The following USP34 variants were observed in gnomAD, a reference collection of about 807,000 sequenced individuals.
The protein encoded by USP34 is ubiquitin carboxyl-terminal hydrolase 34.
Under a neutral mutation model 460.3 loss-of-function variants are expected in USP34, and 70 were observed. That is an observed-to-expected ratio of 0.15 (90% CI 0.13 to 0.19). The LOEUF (loss-of-function observed/expected upper bound fraction) is 0.19. Among genes scored for constraint, USP34 ranks in the 10% least tolerant of loss-of-function variants. USP34 has a pLI of 1.00. For synonymous variants in USP34, 1,647 were observed against 1,405.3 expected (o/e 1.17, Z -3.85); for missense variants, 3,985 against 4,236.2 (o/e 0.94, Z 1.65).
intron 1 of USP34, among the ~76,000 whole-genome samples, chr2:61,467,813 G>A (rs1695822965): frequency 6.6e-6 from 1 of 151,640 alleles, no homozygotes; most frequent in Non-Finnish European, 1.5e-5. Context: ...AGTAGAGATG[G>A]GGTTTCACCA....
chr2:61,206,589 G>A (rs1337650505), intron 71 of USP34, among the ~76,000 whole-genome samples, 171 bp downstream of exon 71: 1 of 152,198 alleles, frequency 6.6e-6, no homozygotes, highest in Non-Finnish European at 1.5e-5. Context: ...GAGCCTTCCA[G>A]CTTTACATCA....
At chr2:61,266,758 A>T (rs1438555860) in intron 41 of USP34, among the ~76,000 whole-genome samples, 1 of 152,190 alleles carries the variant, frequency 6.6e-6, no homozygotes, top group Non-Finnish European at 1.5e-5. Context: ...AACCTCCTGG[A>T]GTACTGTGCA....
intron 67 of USP34, among the ~76,000 whole-genome samples, chr2:61,218,059 T>C (rs1390904244): frequency 6.6e-6 from 1 of 152,060 alleles, no homozygotes; most frequent in East Asian, 1.9e-4. Flanking sequence ...ATAAGAATAA[T>C]ATTAAACAAT....
intron 23 of USP34, among the ~76,000 whole-genome samples, chr2:61,315,302 A>C (rs1243157390): frequency 6.6e-6 from 1 of 152,162 alleles, no homozygotes. Context: ...CATCCAACCT[A>C]AACTGAGAAA....
At chr2:61,265,888 T>A in intron 42 of USP34, 96 bp downstream of exon 42, 1 of 1,142,472 alleles carries the variant, frequency 8.8e-7, no homozygotes, top group South Asian at 2.4e-5. Flanking sequence ...AATGTTAAAG[T>A]GTGTGAAGAG....
Position 61,229,563 on chromosome 2 carries a change from G to C in USP34, c.7184C>G (p.Pro2395Arg). Residue 2395 changes from proline to arginine, a missense_variant, in exon 59 of 80, where the codon CCA (proline) becomes CGA (arginine). Coordinates refer to ENST00000398571, the MANE Select transcript of USP34 (RefSeq NM_014709.4). ...TACTTCTTACCCATCTTCCATTCCTGGCTGCAAATAGAGATGAGCATGCAC... is the reference window on the plus strand; with the variant it reads ...TACTTCTTACCCATCTTCCATTCCTCGCTGCAAATAGAGATGAGCATGCAC... ...RPVHAHLYLQ[P>R]GMEDGSDDMD... 1.2e-6 allele frequency: 2 copies of C among 1,608,620 alleles called. No individual in the cohort carries two copies. Among genetic ancestry groups the C allele is most frequent in the Non-Finnish European group, 1.7e-6 (2 of 1,177,764 alleles).
intron 57 of USP34, among the ~76,000 whole-genome samples, chr2:61,233,123 G>C (rs1362183982): frequency 6.6e-6 from 1 of 151,956 alleles, no homozygotes; most frequent in Non-Finnish European, 1.5e-5. Context: ...GCCTCCTAAA[G>C]TGCTGGTATT....
chr2:61,266,996 T>C (rs1218300677), intron 41 of USP34, among the ~76,000 whole-genome samples: 1 of 152,190 alleles, frequency 6.6e-6, no homozygotes, highest in Non-Finnish European at 1.5e-5. Context: ...AGTCACTATG[T>C]GCCCACATGA....
At chr2:61,372,297 A>G (rs1286926500) in intron 8 of USP34, among the ~76,000 whole-genome samples, 2 of 152,186 alleles carry the variant, frequency 1.3e-5, no homozygotes, top group Non-Finnish European at 2.9e-5. Flanking sequence ...AAAACTAGGT[A>G]TATTTTACCT....
At chr2:61,378,501 T>C in intron 7 of USP34, 77 bp from the exon 8 acceptor site, 1 of 893,358 alleles carries the variant, frequency 1.1e-6, no homozygotes, top group Non-Finnish European at 1.8e-6. Context: ...ACTAACATGG[T>C]AAACTGATTG....
intron 1 of USP34, among the ~76,000 whole-genome samples, chr2:61,440,434 T>G (rs560463025): frequency 6.6e-6 from 1 of 152,228 alleles, no homozygotes; most frequent in Non-Finnish European, 1.5e-5. Flanking sequence ...TGTTCCTCCA[T>G]GGAAGGAACT....
At chr2:61,241,188 C>T (rs931014494) in intron 53 of USP34, among the ~76,000 whole-genome samples, 4 of 152,020 alleles carry the variant, frequency 2.6e-5, no homozygotes, top group African/African-American at 7.3e-5. Context: ...GGATTACAGG[C>T]GCCCACCACC....
intron 75 of USP34, among the ~76,000 whole-genome samples, chr2:61,195,625 T>C (rs190679523): frequency 2.0e-5 from 3 of 152,008 alleles, no homozygotes; most frequent in Admixed American, 6.5e-5. Context: ...TGAGACGAGA[T>C]TGTGCCACTG....
intron 68 of USP34, among the ~76,000 whole-genome samples, chr2:61,212,356 A>C (rs1687293839): frequency 6.6e-6 from 1 of 152,258 alleles, no homozygotes; most frequent in Non-Finnish European, 1.5e-5. Context: ...GTAACTTCAA[A>C]TGTAAACCCA....
At chr2:61,203,095 C>A (rs1473095957) in intron 75 of USP34, 45 bp downstream of exon 75, 5 of 1,476,942 alleles carry the variant, frequency 3.4e-6, no homozygotes, top group East Asian at 2.5e-5. Flanking sequence ...TGACTAGGGG[C>A]TTAAAATAAT....
chr2:61,349,341 A>C, intron 12 of USP34, 56 bp from the exon 13 acceptor site: 2 of 1,560,678 alleles, frequency 1.3e-6, no homozygotes, highest in African/African-American at 2.7e-5. Flanking sequence ...AGCTTCTTTG[A>C]GACAGCGTAT....
rs749040373 is a variant in USP34, at chr2:61,288,823, C to A, written c.4603G>T (p.Asp1535Tyr). 34 of 1,613,622 alleles carry A rather than the reference C, an allele frequency of 2.1e-5. No individual in the cohort carries two copies. The highest frequency in any genetic ancestry group is 2.8e-5 in the Non-Finnish European group (33 of 1,179,954). ...LLKLICQFAV[D>Y]PSDLDLAYHD... The stretch of plus-strand genomic sequence containing the variant: ...TAAGCTAAATCCAAATCGGATGGAT[C>A]TACTGCAAACTGGCATATTAACTTC... The change falls in exon 34 of 80, where the codon GAT (aspartate) becomes TAT (tyrosine). Residue 1535 changes from aspartate (D) to tyrosine (Y), a missense_variant. Asp to Tyr is a radical substitution (Grantham distance 160, BLOSUM62 -3). Coordinates refer to ENST00000398571, the MANE Select transcript of USP34 (RefSeq NM_014709.4).
intron 20 of USP34, among the ~76,000 whole-genome samples, chr2:61,328,196 G>A (rs1691154589): frequency 6.6e-6 from 1 of 151,864 alleles, no homozygotes; most frequent in African/African-American, 2.4e-5. Flanking sequence ...CAGCTACTCG[G>A]GAGGCTGAGG....
chr2:61,392,945 A>G (rs1332810183), intron 5 of USP34, among the ~76,000 whole-genome samples: 3 of 152,220 alleles, frequency 2.0e-5, no homozygotes, highest in South Asian at 2.1e-4. Flanking sequence ...TATCAAACAA[A>G]TAAGTTCAAT....
Sources: allele counts gnomAD v4.1 joint callset (sites outside exome capture counted in the v4.1 genomes callset), GRCh38; gene constraint gnomAD v4.1.1; transcripts MANE v1.5; gene names NCBI Gene and HGNC (gene_info 2026-07-23, HGNC 2026-07-21).